The following MYO6 variants were observed in gnomAD, a reference collection of about 807,000 sequenced individuals.
MYO6 encodes the protein myosin VI, also known as unconventional myosin-VI.
Under a neutral mutation model 178.7 loss-of-function variants are expected in MYO6, and 74 were observed. The observed-to-expected ratio is 0.41, with a 90% CI of 0.34 to 0.50. The LOEUF is 0.50. MYO6 is among the 20% of genes least tolerant of loss of function. The pLI, the probability that MYO6 is intolerant of heterozygous loss-of-function variation, is 0.09. For missense variants in MYO6, 1,330 were observed against 1,547.4 expected (o/e 0.86, Z 2.36); for synonymous variants, 477 against 504.6 (o/e 0.95, Z 0.73).
At chr6:75,773,457 T>G (rs781057425) in intron 1 of MYO6, among the ~76,000 whole-genome samples, 2 of 152,216 alleles carry the variant, frequency 1.3e-5, no homozygotes, top group Non-Finnish European at 2.9e-5. Flanking sequence ...CATGTATCAA[T>G]CAGTATTTTT....
intron 16 of MYO6, among the ~76,000 whole-genome samples, chr6:75,864,775 CT>C (rs992938913): frequency 2.6e-5 from 4 of 152,084 alleles, no homozygotes; most frequent in African/African-American, 9.7e-5. Flanking sequence ...TAGGTTATTC[CT>C]TTTGTTGTAT....
chr6:75,910,936 A>C (rs1469642964), intron 32 of MYO6, among the ~76,000 whole-genome samples: 1 of 152,126 alleles, frequency 6.6e-6, no homozygotes, highest in African/African-American at 2.4e-5. Flanking sequence ...ATGATTAACA[A>C]AAATGTAGCT....
In MYO6 at chr6:75,841,278, G is replaced by A. The variant is rs759456713; in HGVS notation, c.716G>A (p.Gly239Asp). Residue 239 changes from glycine to aspartate, a missense_variant, in exon 9 of 35, where the codon GGC (glycine) becomes GAC (aspartate). Coordinates refer to ENST00000369977, the MANE Select transcript of MYO6 (RefSeq NM_004999.4). ...LLEKSRICVQ[G>D]KEERNYHIFY... Reference sequence around the variant, plus strand: ...GAGAAATCTAGGATCTGTGTTCAAGGCAAAGAGGAAAGAAATTATCATATC... The same window carrying A: ...GAGAAATCTAGGATCTGTGTTCAAGACAAAGAGGAAAGAAATTATCATATC... The A allele has an allele frequency of 1.2e-6, 2 of 1,613,920 alleles. No individual in the cohort carries two copies. Among genetic ancestry groups the A allele is most frequent in the Non-Finnish European group, 1.7e-6 (2 of 1,179,902 alleles).
At chr6:75,912,717 A>T (rs942751631) in intron 33 of MYO6, among the ~76,000 whole-genome samples, 15 of 152,100 alleles carry the variant, frequency 9.9e-5, no homozygotes, top group Admixed American at 9.8e-4. Flanking sequence ...GAATTAGTAC[A>T]TTTTCAACAA....
chr6:75,788,463 T>C (rs367605061), intron 1 of MYO6, among the ~76,000 whole-genome samples: 18 of 152,196 alleles, frequency 1.2e-4, no homozygotes, highest in African/African-American at 4.3e-4. Context: ...TTTCTCACCT[T>C]TATTCCCACT....
intron 7 of MYO6, among the ~76,000 whole-genome samples, chr6:75,839,184 T>A (rs1015945852): frequency 1.3e-4 from 20 of 151,886 alleles, no homozygotes; most frequent in African/African-American, 4.8e-4. Context: ...TTTTAATTTA[T>A]TTTATTTTAT....
At chr6:75,894,666 G>GT (rs1779152598) in intron 28 of MYO6, 7 of 484,404 alleles carry the variant, frequency 1.4e-5, no homozygotes, top group Non-Finnish European at 2.5e-5. Flanking sequence ...TTAGCACTGA[G>GT]TTTTTTCTCT....
intron 1 of MYO6, among the ~76,000 whole-genome samples, chr6:75,795,138 G>T (rs1768671463): frequency 6.6e-6 from 1 of 152,244 alleles, no homozygotes; most frequent in Non-Finnish European, 1.5e-5. Context: ...TAATGCCTAC[G>T]GACTTAAAGT....
intron 4 of MYO6, among the ~76,000 whole-genome samples, chr6:75,830,016 C>T (rs1473697118): frequency 6.6e-6 from 1 of 152,042 alleles, no homozygotes; most frequent in Non-Finnish European, 1.5e-5. Flanking sequence ...TAGGAGATTT[C>T]ATAAGTAGAG....
In MYO6 at chr6:75,870,658, T is replaced by A; in HGVS notation, c.1956T>A (p.Asn652Lys). ...CCTTTCTTTCACAGACACAGTTAAA[T>A]TTGCTTCTGGATAAACTTCGAAGTA... ...SVGNKFKTQL[N>K]LLLDKLRSTG... The change falls in exon 19 of 35, where the codon AAT becomes AAA. Residue 652 changes from asparagine to lysine, a missense_variant. By Grantham distance (94) the Asn-to-Lys change is moderately conservative (BLOSUM62 0). This residue lies in a region of MYO6 where 613 missense variants were observed against 816.8 expected (regional missense o/e 0.75). Transcript: ENST00000369977. 6.2e-6 allele frequency: 10 copies of A among 1,612,496 alleles called. No homozygotes were observed. Among genetic ancestry groups the A allele is most frequent in the Non-Finnish European group, 8.5e-6 (10 of 1,179,272 alleles).
At chr6:75,758,918 G>C (rs1777713471) in intron 1 of MYO6, among the ~76,000 whole-genome samples, 1 of 150,136 alleles carries the variant, frequency 6.7e-6, no homozygotes, top group Non-Finnish European at 1.5e-5. Flanking sequence ...TGCCCACGCT[G>C]GAGTGCAGTG....
At position 75,914,065 on chromosome 6, in the gene MYO6, C is replaced by T; in HGVS notation, c.3442C>T (p.Gln1148Ter). 3 of 1,613,890 alleles carry T rather than the reference C, an allele frequency of 1.9e-6. No homozygotes were observed. The highest frequency in any genetic ancestry group is 2.5e-6 in the Non-Finnish European group (3 of 1,179,998). Residue 1148 changes from glutamine (Q) to a stop codon, truncating the protein, a stop_gained and splice_region_variant, in exon 34 of 35, where the codon CAG (glutamine) becomes TAG (stop). Coordinates refer to ENST00000369977, the MANE Select transcript of MYO6 (RefSeq NM_004999.4). LOFTEE classifies it high-confidence loss of function. ...DFAPFLNNSPQQNPAAQIPAR... is the reference protein window; with the variant it reads ...DFAPFLNNSP ...ACTTTCCTTGTTCTGTGTAATAGCTCAGCAAAACCCAGCAGCTCAGATTCC... is the reference window on the plus strand; with the variant it reads ...ACTTTCCTTGTTCTGTGTAATAGCTTAGCAAAACCCAGCAGCTCAGATTCC...
chr6:75,764,525 T>C (rs972871426), intron 1 of MYO6, among the ~76,000 whole-genome samples: 1 of 152,148 alleles, frequency 6.6e-6, no homozygotes, highest in Non-Finnish European at 1.5e-5. Context: ...GATGTATGTG[T>C]ATCTTCTTTC....
At chr6:75,850,831 TA>T (rs544055558) in intron 11 of MYO6, among the ~76,000 whole-genome samples, 1 of 152,112 alleles carries the variant, frequency 6.6e-6, no homozygotes, top group Admixed American at 6.6e-5. Context: ...TGGCACATAG[TA>T]ATCATTATAA....
At chr6:75,830,388 A>G (rs1277986601) in intron 4 of MYO6, 28 bp from the exon 5 acceptor site, 1 of 1,598,880 alleles carries the variant, frequency 6.3e-7, no homozygotes, top group East Asian at 2.2e-5. Context: ...TAATTGGAAT[A>G]TTTTATGTTT....
At chr6:75,876,683 A>G (rs556329145) in intron 20 of MYO6, among the ~76,000 whole-genome samples, 3 of 152,332 alleles carry the variant, frequency 2.0e-5, no homozygotes, top group South Asian at 2.1e-4. Flanking sequence ...AATAAGCAGT[A>G]TATTTCAACA....
chr6:75,790,203 T>C (rs192317860), intron 1 of MYO6, among the ~76,000 whole-genome samples: 14 of 152,322 alleles, frequency 9.2e-5, no homozygotes, highest in African/African-American at 2.6e-4. Context: ...TCAAAAAGTC[T>C]AAACTTTCTT....
intron 1 of MYO6, among the ~76,000 whole-genome samples, chr6:75,791,392 C>T (rs1164533480): frequency 6.6e-6 from 1 of 152,054 alleles, no homozygotes; most frequent in African/African-American, 2.4e-5. Context: ...TGTTTGTTGT[C>T]TTTTTAATGC....
rs559541830 is a variant in MYO6, at chr6:75,767,123, T to C, written c.-48+17700T>C. Among the ~76,000 whole-genome samples, 164 of 152,276 alleles carry C rather than the reference T, an allele frequency of 1.1e-3. 1 individual carries two copies. The highest frequency in any genetic ancestry group is 3.8e-3 in the African/African-American group (159 of 41,554). On this transcript the variant is annotated intron_variant, in intron 1 of 34. Coordinates refer to ENST00000369977, the MANE Select transcript of MYO6 (RefSeq NM_004999.4). ...TCACTGCCACCTCTGCCTCCCAGGT[T>C]CAAGTGATTCTCATGCCTCAGCCAC...
Sources: allele counts gnomAD v4.1 joint callset (sites outside exome capture counted in the v4.1 genomes callset), GRCh38; gene constraint gnomAD v4.1.1; regional missense constraint gnomAD v4.1.1; transcripts MANE v1.5; gene names NCBI Gene and HGNC (gene_info 2026-07-23, HGNC 2026-07-21).